TTC39B: variants seen among roughly 807,000 people sequenced by gnomAD.
TTC39B encodes tetratricopeptide repeat protein 39B.
In TTC39B, 92 loss-of-function variants were observed where a neutral mutation model predicts 96.6. The observed-to-expected ratio is 0.95, with a 90% CI of 0.80 to 1.13. The LOEUF (loss-of-function observed/expected upper bound fraction) is 1.13, where lower values mean the gene tolerates loss of function less well. TTC39B is among the 50% of genes most tolerant of loss of function. TTC39B has a pLI of 0.00. For synonymous variants in TTC39B, 367 were observed against 299.4 expected, an observed-to-expected ratio of 1.23 and a Z score of -2.33; for missense variants, 955 against 809.3, an observed-to-expected ratio of 1.18 and a Z score of -2.18.
intron 1 of TTC39B, among the ~76,000 whole-genome samples, chr9:15,272,363 G>A (rs116277996): frequency 0.034 from 5,132 of 152,252 alleles, 287 homozygotes; most frequent in African/African-American, 0.12. Context: ...CAGTACTGGT[G>A]GGCTCACCGT....
chr9:15,264,518 GT>G (rs1823053916), intron 2 of TTC39B, among the ~76,000 whole-genome samples: 1 of 151,972 alleles, frequency 6.6e-6, no homozygotes, highest in Non-Finnish European at 1.5e-5. Context: ...GCTGGACGTA[GT>G]TGGCAGGCGC....
At chr9:15,263,076 G>A (rs557838082) in intron 2 of TTC39B, among the ~76,000 whole-genome samples, 27 of 152,242 alleles carry the variant, frequency 1.8e-4, no homozygotes, top group African/African-American at 6.3e-4. Context: ...CTCTGACTTG[G>A]ACTAGAAGTC....
rs1455142911 is a variant in TTC39B at position 15,306,972 on chromosome 9, A to C, written c.240+112T>G. ...CCCGGCGCCCGCCAGCCCACCCCAG[A>C]GAGGGGACCAAGGGGGCGGGGCCTC... On this transcript the variant is annotated intron_variant, in intron 1 of 19. Coordinates refer to ENST00000512701, the Ensembl canonical transcript of TTC39B. This position sits in a 1 kb window ranked among gnomAD's most constrained non-coding sequence, Gnocchi z 5.1. The C allele has an allele frequency of 6.8e-7, 1 of 1,477,502 alleles. No individual in the cohort carries two copies. The highest frequency in any genetic ancestry group is 9.1e-7 in the Non-Finnish European group (1 of 1,098,916). 91.5% of individuals were successfully genotyped at this position (1,477,502 alleles called of 1,614,324 possible). A position where few individuals can be genotyped will look rare whatever the true frequency, so the allele number is the denominator to read the frequency against.
chr9:15,173,570 G>C (rs1817771472), intron 19 of TTC39B, among the ~76,000 whole-genome samples: 1 of 152,026 alleles, frequency 6.6e-6, no homozygotes. Context: ...TATTTGGTTG[G>C]CTTTCCTAGA....
intron 16 of TTC39B, among the ~76,000 whole-genome samples, chr9:15,182,777 A>G (rs1190806119): frequency 6.6e-6 from 1 of 152,198 alleles, no homozygotes; most frequent in African/African-American, 2.4e-5. Flanking sequence ...ATATTTTTAA[A>G]TGTCTGCCAG....
At chr9:15,241,069 G>A (rs1324206831) in intron 2 of TTC39B, among the ~76,000 whole-genome samples, 4 of 152,150 alleles carry the variant, frequency 2.6e-5, no homozygotes, top group Admixed American at 1.3e-4. Flanking sequence ...AATACCAGCC[G>A]TGTTTCCCAT....
intron 3 of TTC39B, among the ~76,000 whole-genome samples, chr9:15,220,207 G>C (rs1038564184): frequency 6.6e-6 from 1 of 152,184 alleles, no homozygotes; most frequent in South Asian, 2.1e-4. Flanking sequence ...CCCTGCACCT[G>C]TGGACTCCAG....
intron 3 of TTC39B, among the ~76,000 whole-genome samples, chr9:15,215,948 C>A (rs560707547): frequency 1.3e-5 from 2 of 152,190 alleles, no homozygotes; most frequent in African/African-American, 2.4e-5. Flanking sequence ...ATCCCACCAA[C>A]CTCTTCAATT....
chr9:15,267,120 G>A (rs1048027473), intron 2 of TTC39B, among the ~76,000 whole-genome samples: 5 of 152,200 alleles, frequency 3.3e-5, no homozygotes, highest in Middle Eastern at 3.4e-3. Flanking sequence ...TCACTCTCTC[G>A]GCCATGTAAG....
intron 15 of TTC39B, 29 bp from the exon 16 acceptor site, chr9:15,185,435 G>A: frequency 1.9e-6 from 3 of 1,611,886 alleles, no homozygotes; most frequent in Non-Finnish European, 2.5e-6. Context: ...CAGCCCCAGA[G>A]AAAGGTCATG....
exon 20 of TTC39B, chr9:15,171,935 A>G: frequency 9.5e-7 from 1 of 1,054,070 alleles, no homozygotes. Context: ...TATTCACAAG[A>G]TCATTTTTCC....
At position 15,234,551 on chromosome 9, in the gene TTC39B, G is replaced by A. The variant is rs1237990309; in HGVS notation, c.276-8539C>T. ...GTGTACCCAACAGCTCATTGAGAAC[G>A]GGCCATGATGACAATGGCGGTTTTG... On this transcript the variant is annotated intron_variant, in intron 2 of 19. Coordinates refer to ENST00000512701, the Ensembl canonical transcript of TTC39B. Among the ~76,000 whole-genome samples, 3 of 152,054 alleles carry A rather than the reference G, an allele frequency of 2.0e-5. No homozygotes were observed. In the South Asian group the frequency reaches 6.2e-4, roughly 32 times the overall value.
At chr9:15,207,517 T>A (rs1265580195) in intron 6 of TTC39B, among the ~76,000 whole-genome samples, 1 of 151,914 alleles carries the variant, frequency 6.6e-6, no homozygotes, top group East Asian at 1.9e-4. Context: ...AGTGAAAGAG[T>A]TGTGGCTTAG....
intron 2 of TTC39B, among the ~76,000 whole-genome samples, chr9:15,235,508 G>A (rs1434659273): frequency 6.6e-6 from 1 of 152,126 alleles, no homozygotes; most frequent in Non-Finnish European, 1.5e-5. Flanking sequence ...AAGGCATATA[G>A]TCATCAGACT....
At chr9:15,189,202 G>C (rs1441741004) in intron 13 of TTC39B, among the ~76,000 whole-genome samples, 2 of 152,142 alleles carry the variant, frequency 1.3e-5, no homozygotes, top group African/African-American at 2.4e-5. Context: ...CTTTGATACG[G>C]AGCCCACACG....
intron 2 of TTC39B, among the ~76,000 whole-genome samples, chr9:15,263,392 C>T (rs912388763): frequency 6.6e-6 from 1 of 152,146 alleles, no homozygotes; most frequent in South Asian, 2.1e-4. Context: ...GGCCTCCCAG[C>T]CAGTAAATGG....
At chr9:15,167,026 ATATTTTTTTTTTT>A (rs1817541840) in exon 20 of TTC39B, 2 of 11,586 alleles carry the variant, frequency 1.7e-4, no homozygotes, top group Non-Finnish European at 2.8e-4. Context: ...ATATATATAT[ATATTTTTTTTTTT>A]TTTTTTTTTT....
chr9:15,243,973 A>T (rs770138281), intron 2 of TTC39B, among the ~76,000 whole-genome samples: 3 of 152,246 alleles, frequency 2.0e-5, no homozygotes, highest in African/African-American at 4.8e-5. Context: ...TTTCAGCAAA[A>T]GAAACTACTC....
At chr9:15,214,315 A>AGAGT (rs1820379336) in intron 3 of TTC39B, 66 bp from the exon 4 acceptor site, 10 of 732,930 alleles carry the variant, frequency 1.4e-5, no homozygotes, top group Non-Finnish European at 2.2e-6. Flanking sequence ...GTCCGAAGGG[A>AGAGT]GTGTGTGTGT....
Sources: gnomAD v4.1 joint callset for allele counts (sites outside exome capture counted in the v4.1 genomes callset) on GRCh38, gnomAD v4.1.1 for gene constraint, Gnocchi (gnomAD v3.1) non-coding constraint, MANE v1.5 for transcripts, NCBI Gene and HGNC (gene_info 2026-07-23, HGNC 2026-07-21) for gene names.